Variants in CACNB4 observed in about 807,000 individuals in gnomAD.
The protein encoded by CACNB4 is calcium voltage-gated channel auxiliary subunit beta 4, also known as voltage-dependent L-type calcium channel subunit beta-4.
Under a neutral mutation model 71.2 loss-of-function variants are expected in CACNB4, and 32 were observed. The ratio of observed to expected loss-of-function variants is 0.45; its 90% CI spans 0.34 to 0.60. CACNB4 has a LOEUF of 0.60. Among genes scored for constraint, CACNB4 ranks in the 20% least tolerant of loss-of-function variants. CACNB4 has a pLI of 0.01. For missense variants in CACNB4, 464 were observed against 647.9 expected (o/e 0.72, Z 3.08); for synonymous variants, 231 against 236.9 (o/e 0.97, Z 0.23).
chr2:151,952,221 G>A (rs555164731), intron 2 of CACNB4, among the ~76,000 whole-genome samples: 8 of 152,146 alleles, frequency 5.3e-5, no homozygotes, highest in East Asian at 3.9e-4. Context: ...AATCAGCCAC[G>A]TCCTACCTAC....
At chr2:151,853,631 C>T in intron 11 of CACNB4, 88 bp from the exon 12 acceptor site, 1 of 712,650 alleles carries the variant, frequency 1.4e-6, no homozygotes, top group Non-Finnish European at 2.4e-6. Context: ...GTCTGCTTGG[C>T]CCTGAGTATT....
intron 2 of CACNB4, among the ~76,000 whole-genome samples, chr2:152,035,196 T>G (rs1236725467): frequency 6.6e-6 from 1 of 152,230 alleles, no homozygotes; most frequent in Non-Finnish European, 1.5e-5. Flanking sequence ...AGCACTTTCT[T>G]AAACGGATGA....
At chr2:151,933,584 C>A (rs2099862162) in intron 2 of CACNB4, among the ~76,000 whole-genome samples, 1 of 152,110 alleles carries the variant, frequency 6.6e-6, no homozygotes. Context: ...GGACTCAAAG[C>A]TGGGTCTGAG....
chr2:152,026,190 A>C (rs938586449), intron 2 of CACNB4, among the ~76,000 whole-genome samples: 3 of 152,084 alleles, frequency 2.0e-5, no homozygotes, highest in African/African-American at 7.2e-5. Flanking sequence ...AAACTGACCA[A>C]ATCCCTTACA....
intron 2 of CACNB4, chr2:151,973,944 A>G: frequency 1.6e-6 from 2 of 1,276,184 alleles, no homozygotes; most frequent in Middle Eastern, 2.9e-4. Flanking sequence ...AGAGCACAAA[A>G]AGCAAAACCC....
At chr2:152,053,017 T>C (rs1685530627) in intron 2 of CACNB4, among the ~76,000 whole-genome samples, 1 of 152,030 alleles carries the variant, frequency 6.6e-6, no homozygotes, top group Non-Finnish European at 1.5e-5. Flanking sequence ...TAGTGAGATA[T>C]AATAAGAGAC....
chr2:151,865,147 G>C (rs902584903), intron 9 of CACNB4, among the ~76,000 whole-genome samples: 3 of 152,184 alleles, frequency 2.0e-5, no homozygotes, highest in African/African-American at 4.8e-5. Context: ...AGTTGCTGCT[G>C]TTCTTTTTCC....
intron 2 of CACNB4, among the ~76,000 whole-genome samples, chr2:152,003,171 G>A (rs1220868949): frequency 3.3e-5 from 5 of 152,166 alleles, no homozygotes; most frequent in African/African-American, 1.2e-4. Context: ...GGCCGGGCAT[G>A]GTGCCTCACA....
At chr2:152,019,283 C>T (rs1407722668) in intron 2 of CACNB4, among the ~76,000 whole-genome samples, 2 of 152,178 alleles carry the variant, frequency 1.3e-5, no homozygotes, top group East Asian at 3.8e-4. Context: ...CTGATTACCT[C>T]TATGCCTCAG....
intron 2 of CACNB4, among the ~76,000 whole-genome samples, chr2:151,890,308 G>C (rs539562554): frequency 2.0e-5 from 3 of 152,152 alleles, no homozygotes; most frequent in Non-Finnish European, 4.4e-5. Flanking sequence ...CTCCTTTTTA[G>C]GTTTCAAAGA....
At chr2:152,081,988 C>T (rs1238364122) in intron 2 of CACNB4, among the ~76,000 whole-genome samples, 2 of 152,176 alleles carry the variant, frequency 1.3e-5, no homozygotes, top group Admixed American at 1.3e-4. Context: ...AATATGGCAA[C>T]TTGTGTTATT....
chr2:151,888,962 C>T (rs2099850063), intron 2 of CACNB4, among the ~76,000 whole-genome samples: 1 of 152,158 alleles, frequency 6.6e-6, no homozygotes, highest in African/African-American at 2.4e-5. Flanking sequence ...TTATTGAGCA[C>T]TTGAAATGTG....
chr2:151,937,272 C>G (rs1187289033), intron 2 of CACNB4, among the ~76,000 whole-genome samples: 1 of 152,190 alleles, frequency 6.6e-6, no homozygotes, highest in African/African-American at 2.4e-5. Flanking sequence ...TCTCTTTCTG[C>G]CAGTCCCAGG....
chr2:151,841,124 G>C (rs920643937), intron 13 of CACNB4, among the ~76,000 whole-genome samples: 4 of 152,212 alleles, frequency 2.6e-5, no homozygotes, highest in African/African-American at 9.7e-5. Context: ...TTTCTGAACA[G>C]AGCAGCTCTA....
intron 2 of CACNB4, 68 bp from the exon 3 acceptor site, chr2:151,883,438 T>C: frequency 6.5e-7 from 1 of 1,535,162 alleles, no homozygotes; most frequent in East Asian, 2.2e-5. Context: ...CATAACAGTA[T>C]CCTGGGGCGA....
chr2:151,854,336 G>C (rs982468237), intron 11 of CACNB4: 8 of 152,282 alleles, frequency 5.3e-5, no homozygotes, highest in African/African-American at 1.9e-4. Context: ...GCCCTAGTTT[G>C]TTCAGGATTC....
intron 9 of CACNB4, chr2:151,866,588 CATGTCAG>C (rs1427107300): frequency 6.6e-6 from 1 of 152,258 alleles, no homozygotes; most frequent in Admixed American, 6.5e-5. Flanking sequence ...ACGAAGAAGA[CATGTCAG>C]AGTCAGTGTG....
At chr2:151,933,881 CA>C (rs142512822) in intron 2 of CACNB4, among the ~76,000 whole-genome samples, 15,510 of 152,144 alleles carry the variant, frequency 0.1, 2,568 homozygotes, top group African/African-American at 0.35. Context: ...TATAAAATTT[CA>C]GTGATCAAAT....
At chr2:151,897,915 C>A (rs2099852481) in intron 2 of CACNB4, among the ~76,000 whole-genome samples, 1 of 152,200 alleles carries the variant, frequency 6.6e-6, no homozygotes, top group Non-Finnish European at 1.5e-5. Context: ...ATGGAATTGT[C>A]CTGGCCCTTT....
Sources: gnomAD v4.1 joint callset for allele counts (sites outside exome capture counted in the v4.1 genomes callset) on GRCh38, gnomAD v4.1.1 for gene constraint, MANE v1.5 for transcripts, NCBI Gene and HGNC (gene_info 2026-07-23, HGNC 2026-07-21) for gene names.